Variants in SDK1 observed in about 807,000 individuals in gnomAD.
SDK1 encodes sidekick cell adhesion molecule 1, also known as protein sidekick-1.
A neutral mutation model predicts 245.5 loss-of-function variants in SDK1; 157 were observed. That is an observed-to-expected ratio of 0.64 (90% CI 0.56 to 0.73). The LOEUF (loss-of-function observed/expected upper bound fraction) is 0.73, where lower values mean the gene tolerates loss of function less well. SDK1 is among the 30% of genes least tolerant of loss of function. The pLI, the probability that SDK1 is intolerant of heterozygous loss-of-function variation, is 0.00. For synonymous variants in SDK1, 1,647 were observed against 1,278.5 expected (o/e 1.29, Z -6.15); for missense variants, 3,583 against 3,002.3 (o/e 1.19, Z -4.52).
At chr7:3,417,470 T>C (rs1163009681) in intron 1 of SDK1, among the ~76,000 whole-genome samples, 1 of 152,164 alleles carries the variant, frequency 6.6e-6, no homozygotes, top group African/African-American at 2.4e-5. Flanking sequence ...CTCTCTTACT[T>C]GCTGCTTTTA....
chr7:3,496,857 C>G (rs1186444517), intron 1 of SDK1, among the ~76,000 whole-genome samples: 1 of 152,086 alleles, frequency 6.6e-6, no homozygotes, highest in African/African-American at 2.4e-5. Flanking sequence ...AAATCCTTTC[C>G]CCCCACCACA....
intron 1 of SDK1, among the ~76,000 whole-genome samples, chr7:3,420,703 A>C (rs1779511499): frequency 6.6e-6 from 1 of 152,224 alleles, no homozygotes; most frequent in Admixed American, 6.5e-5. Flanking sequence ...CTTTTTTAAC[A>C]TAATGAGAAT....
At chr7:3,639,886 G>A (rs1016021215) in intron 3 of SDK1, among the ~76,000 whole-genome samples, 2 of 151,974 alleles carry the variant, frequency 1.3e-5, no homozygotes, top group Non-Finnish European at 2.9e-5. Flanking sequence ...GTCTATCTCT[G>A]TCTCTCAGGC....
chr7:3,583,154 G>A (rs1780567859), intron 1 of SDK1, among the ~76,000 whole-genome samples: 1 of 152,214 alleles, frequency 6.6e-6, no homozygotes, highest in South Asian at 2.1e-4. Flanking sequence ...GTTCCTGCGT[G>A]TAGGCCATGC....
At chr7:4,227,413 T>C (rs763602214) in intron 40 of SDK1, 9 of 471,056 alleles carry the variant, frequency 1.9e-5, no homozygotes, top group South Asian at 1.2e-4. Context: ...TGAATGAGGA[T>C]CCGATGGAAG....
At chr7:4,250,967 G>A (rs1447715516) in intron 44 of SDK1, among the ~76,000 whole-genome samples, 1 of 151,970 alleles carries the variant, frequency 6.6e-6, no homozygotes, top group African/African-American at 2.4e-5. Context: ...CCAAACCCTG[G>A]CAGCCACTTT....
intron 4 of SDK1, among the ~76,000 whole-genome samples, chr7:3,744,827 C>G (rs951140876): frequency 6.8e-6 from 1 of 146,320 alleles, no homozygotes; most frequent in African/African-American, 2.5e-5. Flanking sequence ...AACAAACAAA[C>G]AAAAAAAAAC....
intron 22 of SDK1, among the ~76,000 whole-genome samples, chr7:4,102,188 G>T (rs1257706434): frequency 4.9e-5 from 7 of 143,652 alleles, no homozygotes; most frequent in African/African-American, 2.0e-4. Context: ...ATTTGTTTGA[G>T]GGAACTGGCC....
chr7:3,528,318 G>C (rs1323082417), intron 1 of SDK1, among the ~76,000 whole-genome samples: 1 of 148,926 alleles, frequency 6.7e-6, no homozygotes, highest in Admixed American at 6.7e-5. Flanking sequence ...TAGGAGGTAA[G>C]GTTGGATGAT....
intron 38 of SDK1, 40 bp downstream of exon 38, chr7:4,210,202 C>G: frequency 6.7e-7 from 1 of 1,485,462 alleles, no homozygotes; most frequent in Non-Finnish European, 9.0e-7. Flanking sequence ...GCGGGCCACA[C>G]CAGTGCCCAG....
intron 12 of SDK1, among the ~76,000 whole-genome samples, chr7:3,973,086 T>C (rs1031156585): frequency 3.7e-4 from 56 of 152,218 alleles, no homozygotes; most frequent in African/African-American, 1.3e-3. Context: ...TGTGATTAAA[T>C]TGGAGGCCCC....
intron 35 of SDK1, among the ~76,000 whole-genome samples, chr7:4,191,125 G>A (rs1783181364): frequency 6.6e-6 from 1 of 152,146 alleles, no homozygotes; most frequent in Non-Finnish European, 1.5e-5. Flanking sequence ...CCTGAGACTG[G>A]CCCCAGGGAC....
At chr7:4,034,310 G>A (rs1316865254) in intron 17 of SDK1, among the ~76,000 whole-genome samples, 2 of 152,288 alleles carry the variant, frequency 1.3e-5, no homozygotes, top group East Asian at 1.9e-4. Context: ...CACAGAAGAC[G>A]TTGTGGGAAA....
chr7:4,006,691 A>C lies in SDK1; in HGVS notation c.2132-4275A>C, dbSNP rs373532595. On this transcript the variant is annotated intron_variant, in intron 14 of 44. Coordinates refer to ENST00000404826, the MANE Select transcript of SDK1 (RefSeq NM_152744.4). The stretch of plus-strand genomic sequence containing the variant: ...AATCTCTCTTCCAGCCAGACCTTTT[A>C]TTTTCTAGTGAAAGAGGAAAAAGAA... 2.0e-4 allele frequency among the ~76,000 whole-genome samples: 31 copies of C among 152,260 alleles called. No homozygotes were observed. The South Asian group carries it at 4.2e-3, about 20-fold the overall frequency.
chr7:3,744,210 A>C (rs550055174), intron 4 of SDK1, among the ~76,000 whole-genome samples: 68 of 152,172 alleles, frequency 4.5e-4, no homozygotes, highest in Non-Finnish European at 7.4e-4. Flanking sequence ...CTCCCAAGAA[A>C]GGTCCTCTTC....
intron 31 of SDK1, among the ~76,000 whole-genome samples, chr7:4,161,433 A>G (rs189744188): frequency 3.3e-5 from 5 of 152,264 alleles, no homozygotes; most frequent in Admixed American, 2.6e-4. Context: ...AGAGAAAAAG[A>G]TAAGTTCCCC....
intron 4 of SDK1, among the ~76,000 whole-genome samples, chr7:3,660,607 A>G (rs752719485): frequency 4.0e-4 from 61 of 152,178 alleles, no homozygotes; most frequent in Admixed American, 1.3e-4. Context: ...TCACGCCCCA[A>G]CATAACCATA....
Position 4,049,455 on chromosome 7 carries a change from G to T in SDK1, c.2710G>T (p.Gly904Ter), listed in dbSNP as rs773378838. Residue 904 changes from glycine (G) to a stop codon, truncating the protein, a stop_gained, in exon 18 of 45, where the codon GGA (glycine) becomes TGA (stop). Transcript: ENST00000404826. LOFTEE classifies it high-confidence loss of function. ...PQQFINGINQGYKLLAWPADA... is the reference protein window; with the variant it reads ...PQQFINGINQ ...GCAGTTTATCAATGGCATCAACCAG[G>T]GATACAAGGTACGTGGCCTGGGTTC... 4.3e-6 allele frequency: 7 copies of T among 1,612,744 alleles called. No individual in the cohort carries two copies. The highest frequency in any genetic ancestry group is 5.9e-6 in the Non-Finnish European group (7 of 1,178,858).
chr7:4,268,652 A>G lies in SDK1; in HGVS notation c.*3268A>G, dbSNP rs528804196. On this transcript the variant is annotated 3_prime_UTR_variant, in exon 45 of 45. Transcript: ENST00000404826. Reference sequence around the variant, plus strand: ...CCTAATGGTTCGTAGCATGGTTTTTATTTCTTACGCATTCTTGGCACACAG... The same window carrying G: ...CCTAATGGTTCGTAGCATGGTTTTTGTTTCTTACGCATTCTTGGCACACAG... 7.3e-7 allele frequency: 1 copy of G among 1,367,652 alleles called. No individual in the cohort carries two copies. The highest frequency in any genetic ancestry group is 1.1e-5 in the South Asian group (1 of 88,042). 84.7% of individuals were successfully genotyped at this position (1,367,652 alleles called of 1,614,324 possible).
Sources: allele counts gnomAD v4.1 joint callset (sites outside exome capture counted in the v4.1 genomes callset), GRCh38; gene constraint gnomAD v4.1.1; transcripts MANE v1.5; gene names NCBI Gene and HGNC (gene_info 2026-07-23, HGNC 2026-07-21).